Variants in ADAMTS17 observed in about 807,000 individuals in gnomAD.
ADAMTS17 encodes ADAM metallopeptidase with thrombospondin type 1 motif 17.
ADAMTS17 carries 113 observed loss-of-function variants against 141.5 expected under a neutral mutation model. The observed-to-expected ratio is 0.80, with a 90% CI of 0.69 to 0.93. The LOEUF is 0.93. Ranked by LOEUF, ADAMTS17 falls within the 40% of genes least tolerant of loss-of-function variation. The pLI, the probability that ADAMTS17 is intolerant of heterozygous loss-of-function variation, is 0.00. For missense variants in ADAMTS17, 1,659 were observed against 1,517.9 expected, an observed-to-expected ratio of 1.09 and a Z score of -1.54; for synonymous variants, 768 against 630.6, an observed-to-expected ratio of 1.22 and a Z score of -3.27.
chr15:100,199,469 C>A, intron 7 of ADAMTS17, 46 bp from the exon 8 acceptor site: 2 of 1,543,342 alleles, frequency 1.3e-6, no homozygotes, highest in East Asian at 2.2e-5. Flanking sequence ...CGTGGGAGGC[C>A]CTGGTCTCAC....
intron 20 of ADAMTS17, chr15:99,976,426 G>A (rs888121467): frequency 3.9e-5 from 27 of 697,844 alleles, no homozygotes; most frequent in African/African-American, 1.9e-4. Context: ...GGGCTGGGAC[G>A]ATGGCCTCAC....
intron 4 of ADAMTS17, among the ~76,000 whole-genome samples, chr15:100,270,457 G>A (rs1029774084): frequency 6.6e-6 from 1 of 152,240 alleles, no homozygotes; most frequent in Middle Eastern, 3.4e-3. Context: ...TCCGTGGGAT[G>A]TGCTTAGAAT....
chr15:100,063,769 C>G, intron 15 of ADAMTS17: 1 of 1,289,806 alleles, frequency 7.8e-7, no homozygotes, highest in Non-Finnish European at 1.0e-6. Flanking sequence ...CCTGTAGCAA[C>G]AAACGACACA....
At chr15:100,043,797 T>C (rs192343963) in intron 18 of ADAMTS17, among the ~76,000 whole-genome samples, 15 of 152,388 alleles carry the variant, frequency 9.8e-5, no homozygotes, top group Admixed American at 8.5e-4. Flanking sequence ...GCTTCTGAAA[T>C]TGCTTTTAGT....
At chr15:100,074,306 G>A (rs1596352829) in intron 15 of ADAMTS17, 1 of 152,200 alleles carries the variant, frequency 6.6e-6, no homozygotes, top group Non-Finnish European at 1.5e-5. Flanking sequence ...ACAGTGTTTT[G>A]CTGTTGAATA....
At chr15:100,194,367 C>T (rs1170734913) in intron 8 of ADAMTS17, among the ~76,000 whole-genome samples, 1 of 152,212 alleles carries the variant, frequency 6.6e-6, no homozygotes, top group African/African-American at 2.4e-5. Context: ...GCATACCAGA[C>T]ACACTTCCCT....
chr15:100,094,729 A>G (rs1177606753), intron 15 of ADAMTS17, among the ~76,000 whole-genome samples: 2 of 152,250 alleles, frequency 1.3e-5, no homozygotes, highest in South Asian at 4.1e-4. Context: ...TTCCATTAAA[A>G]AAGAAAAGCC....
chr15:100,098,520 A>G (rs1168981510), intron 14 of ADAMTS17, among the ~76,000 whole-genome samples: 1 of 151,922 alleles, frequency 6.6e-6, no homozygotes, highest in East Asian at 1.9e-4. Flanking sequence ...GGTGGCACGC[A>G]CCTATGGTGA....
intron 15 of ADAMTS17, among the ~76,000 whole-genome samples, chr15:100,078,659 G>C (rs999889586): frequency 1.3e-5 from 2 of 152,090 alleles, no homozygotes; most frequent in African/African-American, 4.8e-5. Context: ...CTTGAATTAG[G>C]CAATAGTTTC....
chr15:100,100,691 C>T (rs915690222), intron 14 of ADAMTS17, among the ~76,000 whole-genome samples: 2 of 152,152 alleles, frequency 1.3e-5, no homozygotes, highest in African/African-American at 4.8e-5. Flanking sequence ...TAGTTTACAC[C>T]CTCCTTAATC....
chr15:99,976,186 C>G lies in ADAMTS17; in HGVS notation c.2986G>C (p.Val996Leu). Residue 996 changes from valine (V) to leucine (L), a missense_variant, in exon 21 of 22, where the codon GTG becomes CTG. By Grantham distance (32) the Val-to-Leu change is conservative (BLOSUM62 1). Coordinates refer to ENST00000268070, the MANE Select transcript of ADAMTS17 (RefSeq NM_139057.4). Reference sequence around the variant, plus strand: ...GTGACCTTGTGCATGCACTGCACCACCCGGGACTGCAGGCCCTTCCCGCAG... The same window carrying G: ...GTGACCTTGTGCATGCACTGCACCAGCCGGGACTGCAGGCCCTTCCCGCAG... ...STCGKGLQSR[V>L]VQCMHKVTGR... The G allele has an allele frequency of 6.5e-7, 1 of 1,549,394 alleles. No homozygotes were observed. The highest frequency in any genetic ancestry group is 8.7e-7 in the Non-Finnish European group (1 of 1,147,000).
intron 7 of ADAMTS17, among the ~76,000 whole-genome samples, chr15:100,207,395 A>G (rs535215693): frequency 5.9e-5 from 9 of 152,278 alleles, no homozygotes; most frequent in African/African-American, 1.9e-4. Context: ...GCAGTATTCT[A>G]TAAGAGGAGC....
intron 11 of ADAMTS17, among the ~76,000 whole-genome samples, chr15:100,132,734 C>A (rs2038115440): frequency 6.6e-6 from 1 of 152,196 alleles, no homozygotes; most frequent in African/African-American, 2.4e-5. Flanking sequence ...TCAATTCTTG[C>A]AATAAGACTG....
intron 20 of ADAMTS17, among the ~76,000 whole-genome samples, chr15:99,977,379 TA>T (rs1567632263): frequency 0.06 from 1,429 of 23,980 alleles, 330 homozygotes; most frequent in Non-Finnish European, 0.079. Flanking sequence ...TATATATATA[TA>T]TATATATATA....
chr15:100,249,654 C>G (rs151221938), intron 7 of ADAMTS17, among the ~76,000 whole-genome samples: 1 of 152,202 alleles, frequency 6.6e-6, no homozygotes, highest in Non-Finnish European at 1.5e-5. Flanking sequence ...GTCTCCCAGC[C>G]TGGCGGCAGC....
chr15:100,232,108 T>C (rs753787509), intron 7 of ADAMTS17, among the ~76,000 whole-genome samples: 3 of 152,198 alleles, frequency 2.0e-5, no homozygotes, highest in Non-Finnish European at 4.4e-5. Flanking sequence ...AATAAAGAAA[T>C]TGACACTTCC....
intron 10 of ADAMTS17, among the ~76,000 whole-genome samples, chr15:100,140,096 A>G (rs922905993): frequency 6.6e-6 from 1 of 152,078 alleles, no homozygotes; most frequent in African/African-American, 2.4e-5. Flanking sequence ...CCTGGGTTCA[A>G]GCGATTCTCC....
chr15:100,264,275 C>A (rs979443828), intron 4 of ADAMTS17, among the ~76,000 whole-genome samples: 5 of 152,034 alleles, frequency 3.3e-5, no homozygotes, highest in Non-Finnish European at 5.9e-5. Flanking sequence ...AGGCACCCAA[C>A]TTGTTCCTGT....
intron 15 of ADAMTS17, among the ~76,000 whole-genome samples, chr15:100,082,385 CTTT>C (rs11325623): frequency 4.2e-5 from 6 of 143,954 alleles, no homozygotes; most frequent in Admixed American, 2.1e-4. Flanking sequence ...TTTTGATAGT[CTTT>C]TTTTTTTTTT....
Sources: allele counts gnomAD v4.1 joint callset (sites outside exome capture counted in the v4.1 genomes callset), GRCh38; gene constraint gnomAD v4.1.1; transcripts MANE v1.5; gene names NCBI Gene and HGNC (gene_info 2026-07-23, HGNC 2026-07-21).